Variants in RPN2 observed in about 807,000 individuals in gnomAD.
RPN2 encodes dolichyl-diphosphooligosaccharide--protein glycosyltransferase subunit 2.
RPN2 carries 29 observed loss-of-function variants against 71.4 expected under a neutral mutation model. The ratio of observed to expected loss-of-function variants is 0.41; its 90% CI spans 0.30 to 0.55. The LOEUF is 0.55. Ranked by LOEUF, RPN2 falls within the 20% of genes least tolerant of loss-of-function variation. The probability of loss-of-function intolerance (pLI) is 0.35; values close to 1 mark genes in which losing one functional copy is unlikely to be tolerated. For missense variants in RPN2, 726 were observed against 774.1 expected, an observed-to-expected ratio of 0.94 and a Z score of 0.74; for synonymous variants, 308 against 305.0, an observed-to-expected ratio of 1.01 and a Z score of -0.10.
chr20:37,195,106 A>AG (rs752989705), intron 2 of RPN2, among the ~76,000 whole-genome samples: 3 of 152,030 alleles, frequency 2.0e-5, no homozygotes, highest in Non-Finnish European at 4.4e-5. Flanking sequence ...GTGGACATTT[A>AG]GGGGGCAGTT....
In RPN2 at chr20:37,232,703, C is replaced by T. The variant is rs143670633; in HGVS notation, c.1677+312C>T. Among the ~76,000 whole-genome samples, 6 of 152,148 alleles carry T rather than the reference C, an allele frequency of 3.9e-5. 1 individual carries two copies. The highest frequency in any genetic ancestry group is 1.2e-4 in the African/African-American group (5 of 41,508). On this transcript the variant is annotated intron_variant, in intron 14 of 16. Coordinates refer to ENST00000237530, the MANE Select transcript of RPN2 (RefSeq NM_002951.5). Reference sequence around the variant, plus strand: ...GATCTAGTGTGAACAGAGCGAGATCCGATGCTGGTAGCTATAAAAAACAGC... The same window carrying T: ...GATCTAGTGTGAACAGAGCGAGATCTGATGCTGGTAGCTATAAAAAACAGC...
chr20:37,185,781 C>A (rs1189706968), intron 2 of RPN2, among the ~76,000 whole-genome samples: 1 of 152,188 alleles, frequency 6.6e-6, no homozygotes, highest in Non-Finnish European at 1.5e-5. Flanking sequence ...GTGCATCCCA[C>A]CGCACCCCGC....
intron 1 of RPN2, among the ~76,000 whole-genome samples, chr20:37,181,003 G>C (rs923750930): frequency 6.6e-6 from 1 of 152,108 alleles, no homozygotes; most frequent in Non-Finnish European, 1.5e-5. Context: ...GGCTGAGGCG[G>C]GCGGATCACG....
At position 37,223,921 on chromosome 20, in the gene RPN2, A is replaced by G. The variant is rs149499238; in HGVS notation, c.1136A>G (p.Asp379Gly). 7 of 1,614,034 alleles carry G rather than the reference A, an allele frequency of 4.3e-6. No homozygotes were observed. The highest frequency in any genetic ancestry group is 5.9e-6 in the Non-Finnish European group (7 of 1,180,020). The change falls in exon 10 of 17, where the codon GAT becomes GGT. Residue 379 changes from aspartate to glycine, a missense_variant. By Grantham distance (94) the Asp-to-Gly change is moderately conservative. Coordinates refer to ENST00000237530, the MANE Select transcript of RPN2 (RefSeq NM_002951.5). ...ACTGAAGTTGGCATCACAAATGTTG[A>G]TCTTTCCACCGTGGATAAGGATCAG... Reference protein sequence around the residue: ...ISTEVGITNVDLSTVDKDQSI... With the variant: ...ISTEVGITNVGLSTVDKDQSI...
chr20:37,222,025 C>T (rs752302360), intron 9 of RPN2, among the ~76,000 whole-genome samples: 1 of 152,224 alleles, frequency 6.6e-6, no homozygotes, highest in Non-Finnish European at 1.5e-5. Context: ...CAAATCAAAG[C>T]TCTGTGGCTA....
chr20:37,198,529 T>G (rs2067307366), intron 3 of RPN2, 37 bp downstream of exon 3: 2 of 1,613,980 alleles, frequency 1.2e-6, no homozygotes, highest in East Asian at 4.5e-5. Context: ...TGACTTTAAC[T>G]ATTTAAAGTA....
intron 8 of RPN2, among the ~76,000 whole-genome samples, chr20:37,211,331 G>A (rs974578176): frequency 3.4e-5 from 5 of 148,950 alleles, no homozygotes; most frequent in African/African-American, 1.2e-4. Flanking sequence ...CATTGTGCCC[G>A]GCCTTTTTTT....
At chr20:37,198,530 A>G in intron 3 of RPN2, 38 bp downstream of exon 3, 1 of 1,613,782 alleles carries the variant, frequency 6.2e-7, no homozygotes, top group African/African-American at 1.3e-5. Flanking sequence ...GACTTTAACT[A>G]TTTAAAGTAC....
chr20:37,203,306 C>T (rs1484521269), intron 4 of RPN2, among the ~76,000 whole-genome samples: 1 of 151,688 alleles, frequency 6.6e-6, no homozygotes, highest in Non-Finnish European at 1.5e-5. Context: ...GTAGTAAGCA[C>T]CCCTGAATTG....
intron 9 of RPN2, among the ~76,000 whole-genome samples, chr20:37,215,913 G>A (rs533188893): frequency 1.3e-5 from 2 of 151,964 alleles, no homozygotes; most frequent in South Asian, 4.2e-4. Context: ...TTTTCTTTTG[G>A]TTTGTTAGTC....
intron 6 of RPN2, among the ~76,000 whole-genome samples, chr20:37,205,642 T>C (rs1600781697): frequency 2.0e-5 from 3 of 152,324 alleles, no homozygotes; most frequent in Admixed American, 6.5e-5. Context: ...TAAATAGTTA[T>C]CTGTCTTGGA....
chr20:37,194,619 G>A lies in RPN2; in HGVS notation c.208-3778G>A, dbSNP rs776535959. Among the ~76,000 whole-genome samples, 374 of 152,330 alleles carry A rather than the reference G, an allele frequency of 2.5e-3. 4 individuals are homozygous for A. The highest frequency in any genetic ancestry group is 3.5e-3 in the Non-Finnish European group (237 of 68,028). ...TTGTTAATACATTATAGGAGAAGTT[G>A]AATTGACGAGGTAATGGGCTTCCAG... On this transcript the variant is annotated intron_variant, in intron 2 of 16. Transcript: ENST00000237530.
At chr20:37,227,109 C>T (rs1261743692) in intron 11 of RPN2, among the ~76,000 whole-genome samples, 3 of 152,204 alleles carry the variant, frequency 2.0e-5, no homozygotes, top group African/African-American at 7.2e-5. Flanking sequence ...CTGCTCCTCT[C>T]TCCTCCCTAC....
intron 9 of RPN2, among the ~76,000 whole-genome samples, chr20:37,221,128 T>A (rs2146652507): frequency 6.6e-6 from 1 of 151,978 alleles, no homozygotes; most frequent in South Asian, 2.1e-4. Context: ...GGATTCTAAG[T>A]GAAAACCTAA....
chr20:37,217,018 CCTT>C lies in RPN2; in HGVS notation c.1092+3156_1092+3158del, dbSNP rs1295695284. 6.6e-5 allele frequency among the ~76,000 whole-genome samples: 10 copies of C among 151,790 alleles called. No individual in the cohort carries two copies. The East Asian group carries it at 1.9e-3, about 29-fold the overall frequency. On this transcript the variant is annotated intron_variant, in intron 9 of 16. Transcript: ENST00000237530. ...TGATCATGGCTCACTACAGCCTTGA[CCTT>C]CTGGGCTCAGGTGATCCTCCCACCT...
intron 2 of RPN2, among the ~76,000 whole-genome samples, chr20:37,197,616 T>C (rs1019755975): frequency 6.6e-6 from 1 of 152,116 alleles, no homozygotes; most frequent in Non-Finnish European, 1.5e-5. Context: ...TTTATTTTTA[T>C]TTTTTTGGGG....
At chr20:37,193,913 G>A (rs1370640924) in intron 2 of RPN2, among the ~76,000 whole-genome samples, 1 of 152,186 alleles carries the variant, frequency 6.6e-6, no homozygotes, top group Non-Finnish European at 1.5e-5. Flanking sequence ...GGGAGGCAGG[G>A]GGTGGTGGGA....
chr20:37,205,275 A>G (rs964388693), intron 6 of RPN2, among the ~76,000 whole-genome samples: 3 of 151,914 alleles, frequency 2.0e-5, no homozygotes, highest in East Asian at 3.9e-4. Flanking sequence ...TGGGCTCACA[A>G]TTGCTTCTCC....
At chr20:37,216,985 C>T (rs970946491) in intron 9 of RPN2, among the ~76,000 whole-genome samples, 4 of 151,232 alleles carry the variant, frequency 2.6e-5, no homozygotes, top group Non-Finnish European at 4.4e-5. Flanking sequence ...GGCTGGAGTG[C>T]AGTGGCGTGA....
Sources: gnomAD v4.1 joint callset for allele counts (sites outside exome capture counted in the v4.1 genomes callset) on GRCh38, gnomAD v4.1.1 for gene constraint, MANE v1.5 for transcripts, NCBI Gene and HGNC (gene_info 2026-07-23, HGNC 2026-07-21) for gene names.